The following RPA2 variants were observed in gnomAD, a reference collection of about 807,000 sequenced individuals.
RPA2 encodes the protein replication protein A2.
Under a neutral mutation model 33.4 loss-of-function variants are expected in RPA2, and 22 were observed. That is an observed-to-expected ratio of 0.66 (90% CI 0.47 to 0.94). The LOEUF is 0.94. Among genes scored for constraint, RPA2 ranks in the 40% least tolerant of loss-of-function variants. The probability of loss-of-function intolerance (pLI) is 0.00; values close to 1 mark genes in which losing one functional copy is unlikely to be tolerated. For missense variants in RPA2, 279 were observed against 329.9 expected (o/e 0.85, Z 1.19); for synonymous variants, 109 against 114.9 (o/e 0.95, Z 0.33).
intron 6 of RPA2, among the ~76,000 whole-genome samples, chr1:27,896,188 AT>A (rs2089889115): frequency 6.6e-6 from 1 of 151,912 alleles, no homozygotes; most frequent in African/African-American, 2.4e-5. Flanking sequence ...CGCAATAAAT[AT>A]TTTTCTTTTT....
At chr1:27,892,337 C>T in intron 8 of RPA2, 90 bp from the exon 9 acceptor site, 1 of 953,686 alleles carries the variant, frequency 1.0e-6, no homozygotes, top group Non-Finnish European at 1.7e-6. Context: ...GCAAACTTCG[C>T]TTATCTCCCA....
chr1:27,896,670 A>G (rs898672678), intron 6 of RPA2, among the ~76,000 whole-genome samples: 1 of 152,176 alleles, frequency 6.6e-6, no homozygotes, highest in African/African-American at 2.4e-5. Flanking sequence ...GCTGTCCTGA[A>G]GGGGACTACT....
chr1:27,902,819 G>A (rs1285479636), intron 4 of RPA2, among the ~76,000 whole-genome samples: 4 of 152,036 alleles, frequency 2.6e-5, no homozygotes, highest in South Asian at 2.1e-4. Context: ...TGACTGAAGC[G>A]TAAACTGGTA....
At chr1:27,892,809 AG>A (rs2089841758) in intron 8 of RPA2, among the ~76,000 whole-genome samples, 1 of 152,250 alleles carries the variant, frequency 6.6e-6, no homozygotes, top group Non-Finnish European at 1.5e-5. Flanking sequence ...ACTCTGAGAT[AG>A]GAATTATTAT....
chr1:27,906,773 A>G (rs751454058), intron 4 of RPA2, among the ~76,000 whole-genome samples, 155 bp downstream of exon 4: 16 of 152,146 alleles, frequency 1.1e-4, no homozygotes, highest in Non-Finnish European at 1.6e-4. Flanking sequence ...TTGGGAAGGT[A>G]TATAGTCAAA....
intron 2 of RPA2, among the ~76,000 whole-genome samples, chr1:27,913,471 C>G (rs1447184068): frequency 6.6e-6 from 1 of 151,300 alleles, no homozygotes; most frequent in Non-Finnish European, 1.5e-5. Flanking sequence ...GCCTGTAATC[C>G]CAGCTACTCG....
intron 6 of RPA2, 87 bp from the exon 7 acceptor site, chr1:27,894,484 C>CA: frequency 1.8e-6 from 2 of 1,083,522 alleles, no homozygotes; most frequent in Admixed American, 2.3e-5. Context: ...AAGCAGCTTA[C>CA]AAAAAACAAT....
chr1:27,899,773 T>C (rs1394236744), intron 4 of RPA2, among the ~76,000 whole-genome samples: 2 of 152,046 alleles, frequency 1.3e-5, no homozygotes, highest in Admixed American at 6.5e-5. Context: ...CTCCGCCTTA[T>C]GGGTTCACAC....
intron 2 of RPA2, among the ~76,000 whole-genome samples, chr1:27,910,184 C>A (rs1314662883): frequency 6.6e-6 from 1 of 152,158 alleles, no homozygotes; most frequent in Non-Finnish European, 1.5e-5. Flanking sequence ...GACCCATGCT[C>A]AAATCCCAGC....
intron 2 of RPA2, among the ~76,000 whole-genome samples, chr1:27,910,172 T>C (rs979367198): frequency 2.0e-5 from 3 of 152,188 alleles, no homozygotes; most frequent in African/African-American, 4.8e-5. Context: ...GAGAGTCCTG[T>C]AGACCCATGC....
intron 2 of RPA2, among the ~76,000 whole-genome samples, chr1:27,908,488 C>T (rs2474470): frequency 0.45 from 68,556 of 151,426 alleles, 16,527 homozygotes; most frequent in African/African-American, 0.63. Context: ...ATCTAGTGAG[C>T]ACACTCAAAT....
chr1:27,893,810 T>A (rs1384252532), intron 8 of RPA2, among the ~76,000 whole-genome samples: 1 of 151,160 alleles, frequency 6.6e-6, no homozygotes, highest in African/African-American at 2.4e-5. Flanking sequence ...GTTTTCACCA[T>A]GTTTGCCAGG....
Position 27,892,043 on chromosome 1 carries a change from ATTTGAT to A in RPA2, c.*114_*119del. On this transcript the variant is annotated 3_prime_UTR_variant, in exon 9 of 9. Coordinates refer to ENST00000373912, the MANE Select transcript of RPA2 (RefSeq NM_002946.5). ...GTTTCAAAAGGAAGTCAGAGGAGACATTTGATAGATGAAACCTACTTCCTAGAAGCC... is the reference window on the plus strand; with the variant it reads ...GTTTCAAAAGGAAGTCAGAGGAGACAAGATGAAACCTACTTCCTAGAAGCC... The A allele has an allele frequency of 1.4e-6, 1 of 690,332 alleles. No individual in the cohort carries two copies. Among genetic ancestry groups the A allele is most frequent in the Non-Finnish European group, 2.5e-6 (1 of 399,722 alleles). 42.8% of individuals were successfully genotyped at this position (690,332 alleles called of 1,614,324 possible). A position where few individuals can be genotyped will look rare whatever the true frequency, so the allele number is the denominator to read the frequency against.
intron 8 of RPA2, among the ~76,000 whole-genome samples, chr1:27,892,979 C>A (rs2089843474): frequency 6.6e-6 from 1 of 152,128 alleles, no homozygotes; most frequent in South Asian, 2.1e-4. Context: ...GGCTGCTTGT[C>A]TAAGATGGAA....
chr1:27,914,693 G>T (rs771334403), upstream of RPA2: 2 of 1,611,088 alleles, frequency 1.2e-6, no homozygotes, highest in Non-Finnish European at 1.7e-6. Flanking sequence ...CTCCCAGTTG[G>T]CTCCAAAAGC....
Position 27,898,621 on chromosome 1 carries a change from T to C in RPA2, c.334-914A>G, listed in dbSNP as rs548983511. On this transcript the variant is annotated intron_variant, in intron 4 of 8. Transcript: ENST00000373912. ...AGTGGAGCGGCATGATCTCGGCTCATTGCAACCTCTGCCTCACAAGTTTAA... is the reference window on the plus strand; with the variant it reads ...AGTGGAGCGGCATGATCTCGGCTCACTGCAACCTCTGCCTCACAAGTTTAA... Among the ~76,000 whole-genome samples, 3 of 151,714 alleles carry C rather than the reference T, an allele frequency of 2.0e-5. No individual in the cohort carries two copies. In the South Asian group the frequency reaches 6.3e-4, roughly 32 times the overall value.
intron 4 of RPA2, among the ~76,000 whole-genome samples, chr1:27,904,193 A>G (rs1367753944): frequency 6.6e-6 from 1 of 152,116 alleles, no homozygotes; most frequent in African/African-American, 2.4e-5. Context: ...TCAGTTCCAC[A>G]ACATAATTTT....
chr1:27,892,372 A>G (rs2089835745), intron 8 of RPA2, 125 bp from the exon 9 acceptor site: 5 of 706,892 alleles, frequency 7.1e-6, no homozygotes, highest in South Asian at 1.6e-5. Flanking sequence ...CTAAGAATTC[A>G]CAAGTATTCT....
chr1:27,905,816 A>T (rs2090019788), intron 4 of RPA2, among the ~76,000 whole-genome samples: 1 of 64,906 alleles, frequency 1.5e-5, no homozygotes, highest in Middle Eastern at 9.3e-3. Context: ...TTTAGTAGAG[A>T]CAGGGTTTTA....
Sources: allele counts gnomAD v4.1 joint callset (sites outside exome capture counted in the v4.1 genomes callset), GRCh38; gene constraint gnomAD v4.1.1; transcripts MANE v1.5; gene names NCBI Gene and HGNC (gene_info 2026-07-23, HGNC 2026-07-21).